The following PPP2R2A variants were observed in gnomAD, a reference collection of about 807,000 sequenced individuals.
PPP2R2A encodes protein phosphatase 2 regulatory subunit Balpha.
A neutral mutation model predicts 53.2 loss-of-function variants in PPP2R2A; 9 were observed. That is an observed-to-expected ratio of 0.17 (90% CI 0.10 to 0.30). The LOEUF (loss-of-function observed/expected upper bound fraction) is 0.30. Among genes scored for constraint, PPP2R2A ranks in the 10% least tolerant of loss-of-function variants. PPP2R2A has a pLI of 1.00. For missense variants in PPP2R2A, 235 were observed against 534.6 expected (o/e 0.44, Z 5.53); for synonymous variants, 169 against 174.2 (o/e 0.97, Z 0.23).
chr8:26,302,488 C>G (rs764301577), intron 2 of PPP2R2A, among the ~76,000 whole-genome samples: 4 of 152,136 alleles, frequency 2.6e-5, no homozygotes, highest in African/African-American at 4.8e-5. Context: ...AGTCATACAT[C>G]AGTAAAAGTG....
At chr8:26,344,655 C>T (rs188384354) in intron 3 of PPP2R2A, among the ~76,000 whole-genome samples, 40 of 152,314 alleles carry the variant, frequency 2.6e-4, no homozygotes, top group African/African-American at 4.8e-4. Context: ...GTCCAGATTT[C>T]TGTCCAGACT....
chr8:26,371,082 A>C lies in PPP2R2A; in HGVS notation c.*669A>C, dbSNP rs1805648485. On this transcript the variant is annotated 3_prime_UTR_variant, in exon 10 of 10. Coordinates refer to ENST00000380737, the MANE Select transcript of PPP2R2A (RefSeq NM_002717.4). ...TCACTCCTCGCCGTGTCTGGCACTG[A>C]AAATAAGGAAAAAAAACCTACTACT... 6.6e-6 allele frequency: 1 copy of C among 152,552 alleles called. No homozygotes were observed. The allele number at this position is 152,552 out of a possible 1,614,324, so 9.4% of individuals were successfully genotyped here.
At position 26,372,015 on chromosome 8, in the gene PPP2R2A, A is replaced by G. The variant is rs530651612; in HGVS notation, c.*1602A>G. ...ATTTCAGAGGACTCTGAGTGCTTCT[A>G]TGTCCACTACCTATTGTTCTATTCT... On this transcript the variant is annotated 3_prime_UTR_variant, in exon 10 of 10. Transcript: ENST00000380737. 3.2e-4 allele frequency: 49 copies of G among 152,304 alleles called. No individual in the cohort carries two copies. The highest frequency in any genetic ancestry group is 1.5e-3 in the East Asian group (8 of 5,174). The allele number at this position is 152,304 out of a possible 1,614,324, so 9.4% of individuals were successfully genotyped here.
In PPP2R2A at chr8:26,362,569, C is replaced by T. The variant is rs1019948732; in HGVS notation, c.638-115C>T. 2 of 914,838 alleles carry T rather than the reference C, an allele frequency of 2.2e-6. No individual in the cohort carries two copies. Among genetic ancestry groups the T allele is most frequent in the Middle Eastern group, 3.2e-4 (1 of 3,126 alleles). The allele number at this position is 914,838 out of a possible 1,614,324, so 56.7% of individuals were successfully genotyped here. A position where few individuals can be genotyped will look rare whatever the true frequency, so the allele number is the denominator to read the frequency against. The stretch of plus-strand genomic sequence containing the variant: ...TTATACTCATAAAAACAGTGGAGTG[C>T]AATTCAGAATTAATATTTTTGCTTA... On this transcript the variant is annotated intron_variant, in intron 6 of 9. Coordinates refer to ENST00000380737, the MANE Select transcript of PPP2R2A (RefSeq NM_002717.4). The surrounding 1 kb of genome is among the most constrained non-coding windows in gnomAD (Gnocchi z 4.4).
intron 2 of PPP2R2A, chr8:26,294,002 AAGCTCTG>A (rs1801428520): frequency 4.7e-6 from 2 of 427,438 alleles, no homozygotes; most frequent in East Asian, 8.4e-5. Flanking sequence ...CCTCACATGA[AAGCTCTG>A]AGCTCCATAT....
chr8:26,355,040 C>A (rs969570176), intron 4 of PPP2R2A, among the ~76,000 whole-genome samples: 2 of 152,176 alleles, frequency 1.3e-5, no homozygotes, highest in Non-Finnish European at 2.9e-5. Context: ...ATCATGAGTG[C>A]AAGTGCTCAA....
chr8:26,336,140 G>C (rs936949948), intron 2 of PPP2R2A, among the ~76,000 whole-genome samples: 3 of 152,046 alleles, frequency 2.0e-5, no homozygotes, highest in Non-Finnish European at 4.4e-5. Flanking sequence ...GTAAGGGCTG[G>C]GTGTTGTGTT....
chr8:26,349,518 G>T (rs1191565752), intron 3 of PPP2R2A, among the ~76,000 whole-genome samples: 2 of 152,140 alleles, frequency 1.3e-5, no homozygotes, highest in Non-Finnish European at 2.9e-5. Flanking sequence ...GGGATTGCTG[G>T]ATTATATGGT....
At chr8:26,295,422 A>G (rs182503556) in intron 2 of PPP2R2A, among the ~76,000 whole-genome samples, 42 of 152,322 alleles carry the variant, frequency 2.8e-4, no homozygotes, top group Admixed American at 7.2e-4. Flanking sequence ...TGTAATGTCA[A>G]TAGGTTCTGT....
chr8:26,369,918 A>C (rs1045558100), intron 9 of PPP2R2A, among the ~76,000 whole-genome samples: 1 of 152,200 alleles, frequency 6.6e-6, no homozygotes, highest in Non-Finnish European at 1.5e-5. Flanking sequence ...CTTTGCTGAT[A>C]GTTTTGGTAG....
At chr8:26,359,515 CAG>C (rs923618014) in intron 4 of PPP2R2A, among the ~76,000 whole-genome samples, 1 of 152,170 alleles carries the variant, frequency 6.6e-6, no homozygotes, top group African/African-American at 2.4e-5. Flanking sequence ...TGTTTTTAAA[CAG>C]ATGCCATTTT....
At chr8:26,345,403 A>G (rs1804160353) in intron 3 of PPP2R2A, among the ~76,000 whole-genome samples, 4 of 152,204 alleles carry the variant, frequency 2.6e-5, no homozygotes, top group Admixed American at 6.5e-5. Context: ...TTCAGTAAAT[A>G]TGGATAAGTG....
Position 26,354,007 on chromosome 8 carries a change from A to AG in PPP2R2A, c.181-459dup, listed in dbSNP as rs768831608. Among the ~76,000 whole-genome samples, 313 of 152,320 alleles carry AG rather than the reference A, an allele frequency of 2.1e-3. 1 individual carries two copies. Among genetic ancestry groups the AG allele is most frequent in the Non-Finnish European group, 3.2e-3 (215 of 68,032 alleles). Reference sequence around the variant, plus strand: ...CAAAAGGCGGGCAGCAGAAAGGAAAAGGACAATACATCATATTAAATAACA... The same window carrying AG: ...CAAAAGGCGGGCAGCAGAAAGGAAAAGGGACAATACATCATATTAAATAACA... On this transcript the variant is annotated intron_variant, in intron 3 of 9. Coordinates refer to ENST00000380737, the MANE Select transcript of PPP2R2A (RefSeq NM_002717.4). The surrounding 1 kb of genome is among the most constrained non-coding windows in gnomAD (Gnocchi z 4.6).
At chr8:26,335,460 T>C (rs915809232) in intron 2 of PPP2R2A, among the ~76,000 whole-genome samples, 2 of 152,340 alleles carry the variant, frequency 1.3e-5, no homozygotes, top group African/African-American at 4.8e-5. Context: ...ACCAGAAATA[T>C]GATTACATTA....
chr8:26,339,585 T>A (rs752717089), intron 3 of PPP2R2A, among the ~76,000 whole-genome samples: 1 of 152,120 alleles, frequency 6.6e-6, no homozygotes, highest in Non-Finnish European at 1.5e-5. Flanking sequence ...TCTTACAACT[T>A]AGGCACACTT....
chr8:26,328,995 C>T (rs570713466), intron 2 of PPP2R2A, among the ~76,000 whole-genome samples: 1 of 152,212 alleles, frequency 6.6e-6, no homozygotes, highest in African/African-American at 2.4e-5. Context: ...TTCAGGGTTT[C>T]TTACACTTTA....
At chr8:26,300,692 A>G (rs1401975027) in intron 2 of PPP2R2A, among the ~76,000 whole-genome samples, 1 of 152,106 alleles carries the variant, frequency 6.6e-6, no homozygotes, top group Non-Finnish European at 1.5e-5. Context: ...TGTCTCTACT[A>G]AAAATACAAA....
intron 2 of PPP2R2A, among the ~76,000 whole-genome samples, chr8:26,294,757 T>C (rs1156635621): frequency 6.6e-6 from 1 of 152,202 alleles, no homozygotes; most frequent in African/African-American, 2.4e-5. Context: ...CCGAACTCTC[T>C]TATTTGCTTG....
intron 3 of PPP2R2A, among the ~76,000 whole-genome samples, chr8:26,348,844 C>CTGTG (rs1491310765): frequency 2.6e-5 from 4 of 151,946 alleles, no homozygotes; most frequent in Admixed American, 1.3e-4. Flanking sequence ...AAATGAAGAC[C>CTGTG]TGTGTGTGTG....
Sources: gnomAD v4.1 joint callset for allele counts (sites outside exome capture counted in the v4.1 genomes callset) on GRCh38, gnomAD v4.1.1 for gene constraint, Gnocchi (gnomAD v3.1) non-coding constraint, MANE v1.5 for transcripts, NCBI Gene and HGNC (gene_info 2026-07-23, HGNC 2026-07-21) for gene names.